Variants in DNAJC11 observed in about 807,000 individuals in gnomAD.
The protein encoded by DNAJC11 is dnaJ homolog subfamily C member 11.
In DNAJC11, 15 loss-of-function variants were observed where a neutral mutation model predicts 78.6. That is an observed-to-expected ratio of 0.19 (90% CI 0.13 to 0.29). DNAJC11 has a LOEUF of 0.29. Among genes scored for constraint, DNAJC11 ranks in the 10% least tolerant of loss-of-function variants. The pLI is 1.00. For synonymous variants in DNAJC11, 292 were observed against 272.1 expected (o/e 1.07, Z -0.72); for missense variants, 547 against 709.6 (o/e 0.77, Z 2.60).
chr1:6,672,359 A>G (rs1180886943), intron 3 of DNAJC11, among the ~76,000 whole-genome samples: 1 of 152,206 alleles, frequency 6.6e-6, no homozygotes, highest in Non-Finnish European at 1.5e-5. Flanking sequence ...CAAAGCCTGG[A>G]AAGTGTGAAG....
chr1:6,691,305 C>A (rs1642742206), intron 1 of DNAJC11, among the ~76,000 whole-genome samples: 1 of 151,754 alleles, frequency 6.6e-6, no homozygotes, highest in African/African-American at 2.4e-5. Flanking sequence ...ACAAATGGGC[C>A]CAAGGTGCAA....
chr1:6,638,337 G>A lies in DNAJC11; in HGVS notation c.1281C>T (p.Ala427=), dbSNP rs755913541. Residue 427 remains alanine, a synonymous_variant, in exon 12 of 16, where the codon GCC becomes GCT. Transcript: ENST00000377577. ...EKELEKQRES[A]ATDVLQKKQE... is the part of the protein sequence containing the mutation. ...GCTTCTTCTGCAGCACATCGGTGGC[G>A]GCGCTTTCCCTCTGCTTCTCCAATT... The A allele has an allele frequency of 5.0e-6, 8 of 1,613,370 alleles. No individual in the cohort carries two copies. The highest frequency in any genetic ancestry group is 3.3e-5 in the Admixed American group (2 of 59,984).
intron 3 of DNAJC11, among the ~76,000 whole-genome samples, chr1:6,672,759 T>C (rs957709922): frequency 1.3e-5 from 2 of 152,206 alleles, no homozygotes; most frequent in African/African-American, 4.8e-5. Flanking sequence ...GCTCTTCTCC[T>C]TATCAGCAAC....
At chr1:6,691,188 G>GA (rs5772249) in intron 1 of DNAJC11, among the ~76,000 whole-genome samples, 64,189 of 124,974 alleles carry the variant, frequency 0.51, 15,855 homozygotes, top group Admixed American at 0.62. Flanking sequence ...CCCAAAGACT[G>GA]AAAAAAAAAA....
chr1:6,689,625 T>C (rs1418876917), intron 1 of DNAJC11, among the ~76,000 whole-genome samples: 1 of 151,902 alleles, frequency 6.6e-6, no homozygotes, highest in Non-Finnish European at 1.5e-5. Flanking sequence ...CTGTCTCTGG[T>C]AAAGATACAA....
At chr1:6,648,664 C>T (rs953658392) in intron 7 of DNAJC11, among the ~76,000 whole-genome samples, 3 of 152,126 alleles carry the variant, frequency 2.0e-5, no homozygotes, top group Non-Finnish European at 4.4e-5. Flanking sequence ...GCCATGTTGC[C>T]TAGGCTGGTC....
intron 3 of DNAJC11, among the ~76,000 whole-genome samples, chr1:6,672,844 T>G (rs777047258): frequency 2.6e-5 from 4 of 152,182 alleles, no homozygotes; most frequent in Non-Finnish European, 4.4e-5. Context: ...ACATTTTCAA[T>G]GTTTCTCATG....
At chr1:6,639,328 CT>C (rs869051941) in intron 11 of DNAJC11, among the ~76,000 whole-genome samples, 2,058 of 136,802 alleles carry the variant, frequency 0.015, 4 homozygotes, top group African/African-American at 0.022. Flanking sequence ...AGGATCAACA[CT>C]TTTTTTTTTT....
At chr1:6,659,531 G>A (rs1341193877) in intron 4 of DNAJC11, among the ~76,000 whole-genome samples, 2 of 152,136 alleles carry the variant, frequency 1.3e-5, no homozygotes, top group Non-Finnish European at 2.9e-5. Flanking sequence ...AGGCCGCGGC[G>A]GGTGGATCAC....
At chr1:6,639,309 A>T (rs572362581) in intron 11 of DNAJC11, among the ~76,000 whole-genome samples, 186 of 150,680 alleles carry the variant, frequency 1.2e-3, no homozygotes, top group African/African-American at 4.5e-3. Context: ...TCTTGAGGCC[A>T]TGGTTTAGAG....
chr1:6,691,532 G>A (rs1570314657), intron 1 of DNAJC11, among the ~76,000 whole-genome samples: 2 of 152,062 alleles, frequency 1.3e-5, no homozygotes, highest in Non-Finnish European at 2.9e-5. Context: ...GTAAGAAATC[G>A]GCTTATTTCT....
At chr1:6,690,312 T>C (rs1438408107) in intron 1 of DNAJC11, among the ~76,000 whole-genome samples, 1 of 152,232 alleles carries the variant, frequency 6.6e-6, no homozygotes, top group African/African-American at 2.4e-5. Context: ...ACGGCATTCA[T>C]TTGACAGTCG....
In DNAJC11 at chr1:6,680,899, T is replaced by A. The variant is rs369236306; in HGVS notation, c.202+9A>T. On this transcript the variant is annotated intron_variant, in intron 2 of 15. Transcript: ENST00000377577. The surrounding 1 kb of genome is among the most constrained non-coding windows in gnomAD (Gnocchi z 4.0). ...AGGATGTTTCTACAAAGTCCGGCCC[T>A]CCACTGACCTTCATAAGCCTGGTGA... 26 of 1,612,064 alleles carry A rather than the reference T, an allele frequency of 1.6e-5. No homozygotes were observed. Among genetic ancestry groups the A allele is most frequent in the Non-Finnish European group, 1.9e-5 (22 of 1,179,020 alleles).
rs1642090002 is a variant in DNAJC11 at position 6,653,834 on chromosome 1, C to G, written c.507+77G>C. On this transcript the variant is annotated intron_variant, in intron 5 of 15. Transcript: ENST00000377577. This position sits in a 1 kb window ranked among gnomAD's most constrained non-coding sequence, Gnocchi z 4.5. ...ATGAGAAAAACCCTGGGCAGACTCT[C>G]ATTCCAGCTGCTTGGTGTGCTGTGC... 6.4e-7 allele frequency: 1 copy of G among 1,556,852 alleles called. No individual in the cohort carries two copies. Among genetic ancestry groups the G allele is most frequent in the Admixed American group, 1.7e-5 (1 of 57,274 alleles).
Position 6,634,753 on chromosome 1 carries a change from G to C in DNAJC11, c.*922C>G, listed in dbSNP as rs949226926. The C allele has an allele frequency of 7.4e-7, 1 of 1,343,262 alleles. No homozygotes were observed. Among genetic ancestry groups the C allele is most frequent in the African/African-American group, 1.5e-5 (1 of 67,280 alleles). 83.2% of individuals were successfully genotyped at this position (1,343,262 alleles called of 1,614,324 possible). ...GCCCTGGTGTTCCTGTGAGGACGCTGGACCTGCAGGAGCGGGGAGCTGCAG... is the reference window on the plus strand; with the variant it reads ...GCCCTGGTGTTCCTGTGAGGACGCTCGACCTGCAGGAGCGGGGAGCTGCAG... On this transcript the variant is annotated 3_prime_UTR_variant, in exon 16 of 16. Coordinates refer to ENST00000377577, the MANE Select transcript of DNAJC11 (RefSeq NM_018198.4).
At chr1:6,663,583 C>T (rs182775048) in intron 4 of DNAJC11, among the ~76,000 whole-genome samples, 12 of 152,162 alleles carry the variant, frequency 7.9e-5, no homozygotes, top group East Asian at 1.9e-4. Context: ...AACAGAAATC[C>T]GAAGATGGCA....
chr1:6,678,688 T>A (rs1335249778), intron 2 of DNAJC11, among the ~76,000 whole-genome samples: 1 of 152,194 alleles, frequency 6.6e-6, no homozygotes, highest in Non-Finnish European at 1.5e-5. Flanking sequence ...GGTCCTTCTC[T>A]GTTGTCCTGG....
At chr1:6,664,523 C>T (rs1453046854) in intron 4 of DNAJC11, among the ~76,000 whole-genome samples, 2 of 152,168 alleles carry the variant, frequency 1.3e-5, no homozygotes, top group African/African-American at 4.8e-5. Context: ...CAAGCGTGAG[C>T]CACTGCGCCC....
chr1:6,686,335 T>G (rs899719137), intron 1 of DNAJC11, among the ~76,000 whole-genome samples: 1 of 152,200 alleles, frequency 6.6e-6, no homozygotes, highest in Non-Finnish European at 1.5e-5. Context: ...AACTTAAGAA[T>G]GTAAAGGAAT....
Sources: gnomAD v4.1 joint callset for allele counts (sites outside exome capture counted in the v4.1 genomes callset) on GRCh38, gnomAD v4.1.1 for gene constraint, Gnocchi (gnomAD v3.1) non-coding constraint, MANE v1.5 for transcripts, NCBI Gene and HGNC (gene_info 2026-07-23, HGNC 2026-07-21) for gene names.